TAF1: variants seen among roughly 807,000 people sequenced by gnomAD.
The protein encoded by TAF1 is transcription initiation factor TFIID subunit 1.
Under a neutral mutation model 138.5 loss-of-function variants are expected in TAF1, and 2 were observed. The ratio of observed to expected loss-of-function variants is 0.01; its 90% CI spans 0.01 to 0.05. The LOEUF is 0.05. Among genes scored for constraint, TAF1 ranks in the 10% least tolerant of loss-of-function variants. TAF1 has a pLI of 1.00. For missense variants in TAF1, 709 were observed against 1,478.0 expected (o/e 0.48, Z 8.53); for synonymous variants, 437 against 503.2 (o/e 0.87, Z 1.76).
chrX:71,367,062 C>T lies in TAF1; in HGVS notation c.121-437C>T, dbSNP rs2032579313. 2.7e-5 allele frequency among the ~76,000 whole-genome samples: 3 copies of T among 112,169 alleles called. No homozygotes were observed. In the Admixed American group the frequency reaches 2.8e-4, roughly 11 times the overall value. ...CCCTAGTGAAACTACCCTGCCTTCA[C>T]TTAGGCCCGTTTTCTTGAGGAGTGA... On this transcript the variant is annotated intron_variant, in intron 1 of 37. Transcript: ENST00000423759.
intron 16 of TAF1, 174 bp downstream of exon 16, chrX:71,388,552 T>C: frequency 2.2e-6 from 2 of 911,621 alleles, no homozygotes; most frequent in Non-Finnish European, 3.0e-6. Flanking sequence ...CCAGGAAGTT[T>C]AATGTGATTG....
intron 24 of TAF1, among the ~76,000 whole-genome samples, 171 bp downstream of exon 24, chrX:71,398,908 T>C (rs1451267726): frequency 8.9e-6 from 1 of 112,103 alleles, no homozygotes; most frequent in African/African-American, 3.2e-5. Flanking sequence ...GTGAGTGGTA[T>C]TGACAATTCC....
intron 37 of TAF1, 114 bp from the exon 38 acceptor site, chrX:71,463,710 A>C: frequency 4.4e-6 from 3 of 687,991 alleles, no homozygotes; most frequent in East Asian, 3.4e-5. Flanking sequence ...AGAACCAGTC[A>C]CTTTAGTGTC....
intron 32 of TAF1, among the ~76,000 whole-genome samples, chrX:71,444,068 C>T (rs1042935748): frequency 7.2e-5 from 8 of 110,868 alleles, no homozygotes; most frequent in Admixed American, 9.6e-5. Flanking sequence ...AGTACAGTGG[C>T]GCAATCTCGG....
intron 32 of TAF1, among the ~76,000 whole-genome samples, chrX:71,434,525 C>T (rs938392423): frequency 9.0e-6 from 1 of 111,586 alleles, no homozygotes; most frequent in African/African-American, 3.3e-5. Flanking sequence ...TTGTATATAG[C>T]CAGAATACTT....
chrX:71,517,037 A>T (rs1269337089), intron 13 of TAF1, among the ~76,000 whole-genome samples: 1 of 110,517 alleles, frequency 9.0e-6, no homozygotes, highest in Non-Finnish European at 1.9e-5. Context: ...CCACAATTTT[A>T]AAAGGGCGGG....
rs2038655170 is a variant in TAF1 at position 71,463,892 on chromosome X, G to A, written c.5468G>A (p.Gly1823Glu). 8.3e-7 allele frequency: 1 copy of A among 1,208,796 alleles called. No individual in the cohort carries two copies. The highest frequency in any genetic ancestry group is 1.7e-5 in the African/African-American group (1 of 57,227). ...GACACAAGCTTCAGCAGCATCGGTG[G>A]GTATGAGGTATCAGAGGAGGAAGAA... is the stretch of plus-strand genomic sequence containing the variant. ...TQDTSFSSIG[G>E]YEVSEEEEDE... The change falls in exon 38 of 38, where the codon GGG becomes GAG. Residue 1823 changes from glycine to glutamate, a missense_variant. This residue lies in a region of TAF1 where 123 missense variants were observed against 174.7 expected (regional missense o/e 0.70). Coordinates refer to ENST00000423759, the MANE Select transcript of TAF1 (RefSeq NM_004606.5).
At chrX:71,381,184 C>T (rs1425346313) in intron 8 of TAF1, among the ~76,000 whole-genome samples, 2 of 112,455 alleles carry the variant, frequency 1.8e-5, no homozygotes, top group Non-Finnish European at 3.7e-5. Context: ...TTAACCAATT[C>T]CTTCTTAAAC....
At chrX:71,438,581 C>T (rs905464913) in intron 32 of TAF1, among the ~76,000 whole-genome samples, 1 of 112,051 alleles carries the variant, frequency 8.9e-6, no homozygotes, top group Non-Finnish European at 1.9e-5. Context: ...ACCAAGTAAA[C>T]AGGATCACAT....
At chrX:71,418,938 T>C (rs896396555) in intron 28 of TAF1, among the ~76,000 whole-genome samples, 2 of 110,818 alleles carry the variant, frequency 1.8e-5, no homozygotes, top group African/African-American at 3.3e-5. Flanking sequence ...CAGCTAATTT[T>C]GTATTTTTAG....
chrX:71,501,654 G>C (rs1209032762), intron 13 of TAF1, among the ~76,000 whole-genome samples: 1 of 111,432 alleles, frequency 9.0e-6, no homozygotes, highest in Non-Finnish European at 1.9e-5. Flanking sequence ...CCTCGGCTCA[G>C]CCTGCAAGTA....
chrX:71,478,215 G>A (rs995898342), intron 13 of TAF1, among the ~76,000 whole-genome samples: 8 of 110,240 alleles, frequency 7.3e-5, no homozygotes, highest in African/African-American at 2.6e-4. Context: ...TTAGCTGGGC[G>A]TGGTGGTGGG....
At chrX:71,423,696 C>T (rs189050586) in intron 30 of TAF1, among the ~76,000 whole-genome samples, 1 of 111,506 alleles carries the variant, frequency 9.0e-6, no homozygotes, top group African/African-American at 3.3e-5. Context: ...GGAATGTGTT[C>T]TATATGTGTA....
Position 71,366,508 on chromosome X carries a change from CGTGGGGG to C in TAF1, c.120+15_120+21del. 6.7e-6 allele frequency: 1 copy of C among 149,809 alleles called. No individual in the cohort carries two copies. The highest frequency in any genetic ancestry group is 2.2e-3 in the Middle Eastern group (1 of 446). The allele number at this position is 149,809 out of a possible 1,213,427, so 12.3% of individuals were successfully genotyped here. On this transcript the variant is annotated intron_variant, in intron 1 of 37. Coordinates refer to ENST00000423759, the MANE Select transcript of TAF1 (RefSeq NM_004606.5). ...GTCTTGGATGATGTGAGGGGGTGGG[CGTGGGGG>C]TAGGGCTCGGGGGGTGGGGCTAAGC...
chrX:71,417,623 C>G (rs1022213216), intron 28 of TAF1, among the ~76,000 whole-genome samples: 1 of 111,347 alleles, frequency 9.0e-6, no homozygotes, highest in African/African-American at 3.3e-5. Flanking sequence ...CTCAGCATCC[C>G]AAAGTGCTGG....
At chrX:71,529,953 G>T (rs2040073097) in exon 15 of TAF1, 1 of 207,045 alleles carries the variant, frequency 4.8e-6, no homozygotes, top group Middle Eastern at 6.8e-4. Context: ...CTCCCATAGG[G>T]TGTGCTCCCC....
intron 13 of TAF1, among the ~76,000 whole-genome samples, chrX:71,494,681 G>A (rs1032882884): frequency 2.7e-5 from 3 of 111,803 alleles, no homozygotes; most frequent in East Asian, 2.8e-4. Flanking sequence ...GGTTCCTGCC[G>A]GTGGGTTCTT....
At chrX:71,519,803 T>A (rs771872277) in intron 13 of TAF1, among the ~76,000 whole-genome samples, 62 of 110,461 alleles carry the variant, frequency 5.6e-4, no homozygotes, top group African/African-American at 1.5e-3. Context: ...TTATTTATTG[T>A]TTGTTTGTTT....
rs780572569 is a variant in TAF1, at chrX:71,450,052, G to A, written c.4754-4118G>A. On this transcript the variant is annotated intron_variant, in intron 32 of 37. Coordinates refer to ENST00000423759, the MANE Select transcript of TAF1 (RefSeq NM_004606.5). Reference sequence around the variant, plus strand: ...CTCCCAAAGTGCTGGGATTACAGGCGTGAGCCACCACACCCGGCTCTAAAT... The same window carrying A: ...CTCCCAAAGTGCTGGGATTACAGGCATGAGCCACCACACCCGGCTCTAAAT... Among the ~76,000 whole-genome samples, 43 of 111,714 alleles carry A rather than the reference G, an allele frequency of 3.8e-4. 1 individual carries two copies. The highest frequency in any genetic ancestry group is 7.6e-4 in the Admixed American group (8 of 10,578).
Sources: allele counts gnomAD v4.1 joint callset (sites outside exome capture counted in the v4.1 genomes callset), GRCh38; gene constraint gnomAD v4.1.1; regional missense constraint gnomAD v4.1.1; transcripts MANE v1.5; gene names NCBI Gene and HGNC (gene_info 2026-07-23, HGNC 2026-07-21).